Variants in POC1B observed in about 807,000 individuals in gnomAD.
POC1B encodes the protein POC1 centriolar protein B.
Under a neutral mutation model 60.6 loss-of-function variants are expected in POC1B, and 44 were observed. The ratio of observed to expected loss-of-function variants is 0.73; its 90% CI spans 0.57 to 0.93. The LOEUF is 0.93. Among genes scored for constraint, POC1B ranks in the 40% least tolerant of loss-of-function variants. POC1B has a pLI of 0.00. For missense variants in POC1B, 555 were observed against 572.3 expected (o/e 0.97, Z 0.31); for synonymous variants, 180 against 198.9 (o/e 0.90, Z 0.80).
chr12:89,486,344 C>T (rs1413770759), intron 4 of POC1B, among the ~76,000 whole-genome samples: 2 of 152,020 alleles, frequency 1.3e-5, no homozygotes, highest in Non-Finnish European at 2.9e-5. Context: ...GAAGCAGAAA[C>T]CTTTCTTGGA....
intron 2 of POC1B, chr12:89,501,896 A>G: frequency 1.7e-6 from 2 of 1,170,078 alleles, no homozygotes; most frequent in Non-Finnish European, 2.6e-6. Flanking sequence ...TTAAATGCTA[A>G]AGGTTCTGGA....
intron 10 of POC1B, among the ~76,000 whole-genome samples, chr12:89,432,779 T>C (rs546925103): frequency 4.6e-5 from 7 of 152,334 alleles, no homozygotes; most frequent in East Asian, 3.9e-4. Context: ...ATTAATACAA[T>C]TGGAAATATA....
At chr12:89,498,147 A>G (rs1359097158) in intron 2 of POC1B, among the ~76,000 whole-genome samples, 1 of 152,196 alleles carries the variant, frequency 6.6e-6, no homozygotes, top group Non-Finnish European at 1.5e-5. Flanking sequence ...ATCCAATAAT[A>G]CTTTTATAGC....
chr12:89,471,871 G>A, intron 5 of POC1B, 142 bp from the exon 6 acceptor site: 1 of 586,686 alleles, frequency 1.7e-6, no homozygotes, highest in Non-Finnish European at 2.9e-6. Context: ...GGGTTCAAGT[G>A]ATTCTTCCAC....
intron 2 of POC1B, among the ~76,000 whole-genome samples, chr12:89,510,012 A>T (rs905832599): frequency 1.3e-5 from 2 of 151,742 alleles, no homozygotes; most frequent in East Asian, 1.9e-4. Context: ...CACTCAGTTA[A>T]TTTTTTTTGT....
chr12:89,522,890 G>C, intron 2 of POC1B: 1 of 1,613,556 alleles, frequency 6.2e-7, no homozygotes, highest in African/African-American at 1.3e-5. Flanking sequence ...CGGCCCTCCG[G>C]TGTCCGATAA....
At chr12:89,429,783 A>G (rs934470441) in intron 10 of POC1B, among the ~76,000 whole-genome samples, 2 of 152,218 alleles carry the variant, frequency 1.3e-5, no homozygotes, top group Non-Finnish European at 2.9e-5. Context: ...ACATGATTGC[A>G]AGACTGCAGA....
chr12:89,512,541 G>A (rs933894381), intron 2 of POC1B, among the ~76,000 whole-genome samples: 3 of 152,114 alleles, frequency 2.0e-5, no homozygotes, highest in Non-Finnish European at 2.9e-5. Context: ...GAAGGACTAC[G>A]ATAGGCTAGG....
chr12:89,415,395 G>A (rs1026666502), downstream of POC1B, among the ~76,000 whole-genome samples: 1 of 152,280 alleles, frequency 6.6e-6, no homozygotes. Context: ...TGTAATCCCA[G>A]CACTTTGGGA....
chr12:89,525,611 C>T, intron 1 of POC1B: 1 of 1,285,942 alleles, frequency 7.8e-7, no homozygotes, highest in South Asian at 2.8e-5. Flanking sequence ...GGAAACCCTC[C>T]GAGAATTCTG....
Position 89,502,329 on chromosome 12 carries a change from CAAGAGAACACGTTTGAAACCT to C in POC1B, c.101-5008_101-4988del. 1.9e-6 allele frequency: 3 copies of C among 1,611,576 alleles called. No individual in the cohort carries two copies. In the South Asian group the frequency reaches 3.3e-5, roughly 18 times the overall value. On this transcript the variant is annotated intron_variant, in intron 2 of 11. Transcript: ENST00000313546. ...CCAACACACCAAATGTTCGCAGGAC[CAAGAGAACACGTTTGAAACCT>C]TTGGAGTACTGGCGAGGACAGCAAA... is the stretch of plus-strand genomic sequence containing the variant.
At chr12:89,409,931 G>A in the POC1B span, among the ~76,000 whole-genome samples, 1 of 152,160 alleles carries the variant, frequency 6.6e-6, no homozygotes, top group East Asian at 1.9e-4. Flanking sequence ...TAGAAAAAAA[G>A]GGACTCCTCC....
chr12:89,454,445 G>C (rs985172838), intron 10 of POC1B, among the ~76,000 whole-genome samples: 1 of 152,130 alleles, frequency 6.6e-6, no homozygotes, highest in Non-Finnish European at 1.5e-5. Context: ...TCCCCAGCCT[G>C]TCCTCTTACA....
chr12:89,443,504 C>A (rs1168757240), intron 10 of POC1B, among the ~76,000 whole-genome samples: 15 of 151,916 alleles, frequency 9.9e-5, no homozygotes, highest in African/African-American at 3.4e-4. Context: ...TGAATGACTA[C>A]TGGGTACATA....
intron 10 of POC1B, among the ~76,000 whole-genome samples, chr12:89,437,867 G>A (rs1390595236): frequency 6.6e-6 from 1 of 151,518 alleles, no homozygotes; most frequent in Non-Finnish European, 1.5e-5. Context: ...GGCCAACATG[G>A]TGAAACCCCA....
chr12:89,519,691 G>A (rs564216883), intron 2 of POC1B: 1 of 152,634 alleles, frequency 6.6e-6, no homozygotes, highest in African/African-American at 2.4e-5. Flanking sequence ...TCCTAGAAAA[G>A]TTTGATTTGC....
At chr12:89,496,611 G>C (rs947711112) in intron 3 of POC1B, among the ~76,000 whole-genome samples, 2 of 152,046 alleles carry the variant, frequency 1.3e-5, no homozygotes, top group Non-Finnish European at 2.9e-5. Context: ...AAAATAGATG[G>C]GCTATTAGTT....
intron 2 of POC1B, among the ~76,000 whole-genome samples, chr12:89,505,903 G>A (rs1162311842): frequency 6.6e-6 from 1 of 152,154 alleles, no homozygotes; most frequent in Admixed American, 6.5e-5. Flanking sequence ...TCAAAATCAA[G>A]ATATACTGTA....
intron 1 of POC1B, chr12:89,525,408 C>A: frequency 7.2e-7 from 1 of 1,387,900 alleles, no homozygotes. Context: ...CCAGCTCTCC[C>A]CGCAGAGCCC....
Sources: gnomAD v4.1 joint callset for allele counts (sites outside exome capture counted in the v4.1 genomes callset) on GRCh38, gnomAD v4.1.1 for gene constraint, MANE v1.5 for transcripts, NCBI Gene and HGNC (gene_info 2026-07-23, HGNC 2026-07-21) for gene names.